SEC31A: variants seen among roughly 807,000 people sequenced by gnomAD.
SEC31A encodes protein transport protein Sec31A.
A neutral mutation model predicts 151.0 loss-of-function variants in SEC31A; 70 were observed. The ratio of observed to expected loss-of-function variants is 0.46; its 90% CI spans 0.38 to 0.57. The LOEUF (loss-of-function observed/expected upper bound fraction) is 0.57, where lower values mean the gene tolerates loss of function less well. SEC31A is among the 20% of genes least tolerant of loss of function. The probability of loss-of-function intolerance (pLI) is 0.00; values close to 1 mark genes in which losing one functional copy is unlikely to be tolerated. For synonymous variants in SEC31A, 475 were observed against 505.9 expected (o/e 0.94, Z 0.82); for missense variants, 1,330 against 1,471.2 (o/e 0.90, Z 1.57).
chr4:82,888,235 G>C (rs1741230878), intron 1 of SEC31A, among the ~76,000 whole-genome samples: 1 of 150,162 alleles, frequency 6.7e-6, no homozygotes, highest in Non-Finnish European at 1.5e-5. Context: ...AACTAGCCGG[G>C]CGTGGTGGTG....
At chr4:82,875,979 A>G in intron 4 of SEC31A, 157 bp from the exon 5 acceptor site, 1 of 427,234 alleles carries the variant, frequency 2.3e-6, no homozygotes, top group Non-Finnish European at 4.2e-6. Flanking sequence ...TAAATTATGC[A>G]TAATTCTTTC....
At chr4:82,841,465 T>TATAC (rs1560601594) in intron 22 of SEC31A, among the ~76,000 whole-genome samples, 21 of 103,134 alleles carry the variant, frequency 2.0e-4, no homozygotes, top group African/African-American at 7.6e-4. Flanking sequence ...TATATATATA[T>TATAC]ATACACACAC....
intron 6 of SEC31A, among the ~76,000 whole-genome samples, chr4:82,872,464 C>T (rs1280696737): frequency 1.3e-5 from 2 of 151,882 alleles, no homozygotes; most frequent in Non-Finnish European, 2.9e-5. Context: ...GCTGGTATTA[C>T]AGGCATGAGC....
chr4:82,836,451 C>T (rs1727327763), intron 22 of SEC31A, among the ~76,000 whole-genome samples: 1 of 151,348 alleles, frequency 6.6e-6, no homozygotes, highest in African/African-American at 2.4e-5. Flanking sequence ...TTCACAGCAG[C>T]ATTATTCACA....
intron 26 of SEC31A, 103 bp downstream of exon 26, chr4:82,820,934 A>G: frequency 1.2e-6 from 1 of 861,098 alleles, no homozygotes; most frequent in Non-Finnish European, 1.9e-6. Flanking sequence ...TGTCATGACA[A>G]TTTTGCCCCC....
At chr4:82,881,044 T>A (rs1033584293) in intron 2 of SEC31A, 122 bp from the exon 3 acceptor site, 1 of 762,738 alleles carries the variant, frequency 1.3e-6, no homozygotes, top group African/African-American at 1.7e-5. Context: ...ACATATGCCA[T>A]TGAGCAGATG....
intron 19 of SEC31A, among the ~76,000 whole-genome samples, chr4:82,850,563 T>TTTAAATAAATACTTTATTTTAAATAAA (rs1469085518): frequency 6.6e-6 from 1 of 152,140 alleles, no homozygotes; most frequent in Non-Finnish European, 1.5e-5. Flanking sequence ...ATAAAGTGAT[T>TTTAAATAAATACTTTATTTTAAATAAA]AATAAAAAAG....
At chr4:82,891,370 C>T (rs915975650), upstream of SEC31A, 7 of 616,458 alleles carry the variant, frequency 1.1e-5, no homozygotes, top group East Asian at 1.1e-4. Flanking sequence ...CATCGCGCCC[C>T]GGCGATCGTA....
intron 22 of SEC31A, among the ~76,000 whole-genome samples, chr4:82,841,291 T>C (rs1324256436): frequency 6.7e-6 from 1 of 149,924 alleles, no homozygotes; most frequent in Non-Finnish European, 1.5e-5. Flanking sequence ...GGCTTGGTGG[T>C]GCACACCTGT....
At position 82,870,493 on chromosome 4, in the gene SEC31A, T is replaced by C. The variant is rs1736405208; in HGVS notation, c.783-69A>G. ...AAACCAAATCTCAACTATTTCTGCC[T>C]AGGTTTTGTAGATTCACACATTGTT... On this transcript the variant is annotated intron_variant, in intron 7 of 26. Transcript: ENST00000395310. The C allele has an allele frequency of 1.6e-5, 19 of 1,216,408 alleles. 1 individual carries two copies. The South Asian group carries it at 2.2e-4, about 14-fold the overall frequency. The allele number at this position is 1,216,408 out of a possible 1,614,324, so 75.4% of individuals were successfully genotyped here.
Position 82,827,514 on chromosome 4 carries a change from T to C in SEC31A, c.3146A>G (p.Gln1049Arg). 2.5e-6 allele frequency: 4 copies of C among 1,614,230 alleles called. No individual in the cohort carries two copies. The highest frequency in any genetic ancestry group is 3.4e-6 in the Non-Finnish European group (4 of 1,180,036). The change falls in exon 24 of 27, where the codon CAG becomes CGG. Residue 1049 changes from glutamine to arginine, a missense_variant. Transcript: ENST00000395310. ...AAGATGTGGCTGTGGGAATGAAGAC[T>C]GGCTTGACAGTGGTACTGGAGCTGA... ...QPSAPVPLSS[Q>R]SSFPQPHLPG...
chr4:82,830,528 G>A (rs1056190351), intron 22 of SEC31A, among the ~76,000 whole-genome samples: 1 of 152,184 alleles, frequency 6.6e-6, no homozygotes, highest in Non-Finnish European at 1.5e-5. Flanking sequence ...CTAGGAGACA[G>A]AAAATCAGAT....
chr4:82,887,308 T>C (rs1379737872), intron 1 of SEC31A, among the ~76,000 whole-genome samples: 1 of 152,132 alleles, frequency 6.6e-6, no homozygotes, highest in Non-Finnish European at 1.5e-5. Context: ...TATAAGAACA[T>C]AAAATAGTTA....
rs1207314090 is a variant in SEC31A at position 82,857,747 on chromosome 4, T to G, written c.1644A>C (p.Lys548Asn). 6.3e-7 allele frequency: 1 copy of G among 1,598,942 alleles called. No individual in the cohort carries two copies. ...ATGAGGGTAGAAATTCAGATTCTTC[T>G]TTTTCCTCTTTAATGTGCTAAAGAG... ...QLLGEHIKEEKEESEFLPSSG... is the reference protein window; with the variant it reads ...QLLGEHIKEENEESEFLPSSG... The change falls in exon 15 of 27, where the codon AAA becomes AAC. Residue 548 changes from lysine to asparagine, a missense_variant. Coordinates refer to ENST00000395310, the MANE Select transcript of SEC31A (RefSeq NM_001077207.4).
Position 82,863,307 on chromosome 4 carries a change from CA to C in SEC31A, c.1509+10del. ...TAAAGAGCATGCCATCTAACTTTCC[CA>C]AAAGTTTACCTTCTTTCCTAGATCT... On this transcript the variant is annotated intron_variant, in intron 12 of 26. Coordinates refer to ENST00000395310, the MANE Select transcript of SEC31A (RefSeq NM_001077207.4). 6.5e-7 allele frequency: 1 copy of C among 1,530,116 alleles called. No individual in the cohort carries two copies. The highest frequency in any genetic ancestry group is 8.9e-7 in the Non-Finnish European group (1 of 1,123,100). 94.8% of individuals were successfully genotyped at this position (1,530,116 alleles called of 1,614,324 possible). A position where few individuals can be genotyped will look rare whatever the true frequency, so the allele number is the denominator to read the frequency against.
chr4:82,836,739 C>CA (rs1270949793), intron 22 of SEC31A, among the ~76,000 whole-genome samples: 1 of 151,800 alleles, frequency 6.6e-6, no homozygotes, highest in Non-Finnish European at 1.5e-5. Flanking sequence ...TTAATGGGTA[C>CA]AGTGTTTCAG....
intron 9 of SEC31A, 29 bp from the exon 10 acceptor site, chr4:82,866,989 C>A: frequency 6.3e-7 from 1 of 1,596,440 alleles, no homozygotes; most frequent in South Asian, 1.1e-5. Context: ...ACATAAGCAT[C>A]CGACCATACA....
chr4:82,862,754 G>A (rs1037958965), intron 12 of SEC31A, among the ~76,000 whole-genome samples, 182 bp from the exon 13 acceptor site: 1 of 152,166 alleles, frequency 6.6e-6, no homozygotes. Context: ...CTTTCACATG[G>A]AAGTAATTAG....
upstream of SEC31A, chr4:82,891,393 T>G (rs1391896491): frequency 2.5e-5 from 15 of 592,344 alleles, no homozygotes; most frequent in Non-Finnish European, 4.5e-5. Flanking sequence ...AACCCTTTTC[T>G]GAGGGGCGGC....
Sources: allele counts gnomAD v4.1 joint callset (sites outside exome capture counted in the v4.1 genomes callset), GRCh38; gene constraint gnomAD v4.1.1; transcripts MANE v1.5; gene names NCBI Gene and HGNC (gene_info 2026-07-23, HGNC 2026-07-21).